WNK3: variants seen among roughly 807,000 people sequenced by gnomAD.
WNK3 encodes the protein WNK lysine deficient protein kinase 3.
A neutral mutation model predicts 116.7 loss-of-function variants in WNK3; 18 were observed. That is an observed-to-expected ratio of 0.15 (90% CI 0.11 to 0.23). WNK3 has a LOEUF of 0.23. Ranked by LOEUF, WNK3 falls within the 10% of genes least tolerant of loss-of-function variation. WNK3 has a pLI of 1.00. For missense variants in WNK3, 993 were observed against 1,323.8 expected, an observed-to-expected ratio of 0.75 and a Z score of 3.88; for synonymous variants, 404 against 469.4, an observed-to-expected ratio of 0.86 and a Z score of 1.80.
At chrX:54,308,936 ATGAG>A (rs1399722673) in intron 4 of WNK3, among the ~76,000 whole-genome samples, 155 bp downstream of exon 4, 2 of 112,051 alleles carry the variant, frequency 1.8e-5, no homozygotes, top group Non-Finnish European at 3.8e-5. Flanking sequence ...CAATCTGTAA[ATGAG>A]TGAGTGTGAC....
intron 10 of WNK3, among the ~76,000 whole-genome samples, chrX:54,278,572 A>T (rs1474248147): frequency 9.0e-6 from 1 of 111,201 alleles, no homozygotes; most frequent in Non-Finnish European, 1.9e-5. Context: ...AGAACCCAGA[A>T]GAAAAGACCC....
intron 10 of WNK3, among the ~76,000 whole-genome samples, chrX:54,276,321 C>A (rs782397957): frequency 2.7e-5 from 3 of 109,550 alleles, no homozygotes; most frequent in South Asian, 3.9e-4. Context: ...GGTGACAGAG[C>A]GAGACTCTGT....
chrX:54,233,801 C>T (rs1312927516), intron 20 of WNK3, among the ~76,000 whole-genome samples: 3 of 99,737 alleles, frequency 3.0e-5, no homozygotes, highest in Admixed American at 1.1e-4. Context: ...ATAGTGAGAC[C>T]CTGTCTCTCT....
intron 22 of WNK3, among the ~76,000 whole-genome samples, chrX:54,221,749 C>A (rs59204215): frequency 9.0e-6 from 1 of 110,835 alleles, no homozygotes. Flanking sequence ...GCAGGAGAAT[C>A]GCTTGAACCC....
intron 10 of WNK3, among the ~76,000 whole-genome samples, 170 bp downstream of exon 10, chrX:54,292,718 A>G (rs782697234): frequency 1.8e-5 from 2 of 109,586 alleles, no homozygotes; most frequent in South Asian, 7.8e-4. Flanking sequence ...AAAAAAAAAA[A>G]AAAAAAAAAA....
At chrX:54,222,018 G>A (rs1475594235) in intron 22 of WNK3, among the ~76,000 whole-genome samples, 1 of 110,839 alleles carries the variant, frequency 9.0e-6, no homozygotes, top group African/African-American at 3.3e-5. Context: ...TTAGCTGCAC[G>A]TGATGGCAGG....
At chrX:54,251,773 A>C in intron 13 of WNK3, 86 bp from the exon 14 acceptor site, 11 of 977,369 alleles carry the variant, frequency 1.1e-5, no homozygotes, top group Non-Finnish European at 1.5e-5. Context: ...TCACATAAAG[A>C]AAGAAAATTG....
exon 17 of WNK3, chrX:54,249,612 C>T (rs1557153684): frequency 4.1e-6 from 5 of 1,208,718 alleles, no homozygotes; most frequent in Non-Finnish European, 5.6e-6. Context: ...GTGATATTTC[C>T]TTATTACTTG....
intron 10 of WNK3, among the ~76,000 whole-genome samples, chrX:54,260,039 A>G (rs1323026499): frequency 3.6e-5 from 4 of 111,273 alleles, no homozygotes; most frequent in African/African-American, 1.3e-4. Context: ...ATGGCAAATA[A>G]TGTTCTCAAT....
At chrX:54,310,411 T>G (rs992479910) in intron 3 of WNK3, among the ~76,000 whole-genome samples, 1 of 109,298 alleles carries the variant, frequency 9.1e-6, no homozygotes, top group Admixed American at 1.0e-4. Context: ...GCCAGGCATG[T>G]TGCTGCATGC....
rs200098628 is a variant in WNK3 at position 54,333,397 on chromosome X, G to C, written c.277C>G (p.Leu93Val). 1.2e-5 allele frequency: 15 copies of C among 1,210,017 alleles called. No individual in the cohort carries two copies. The East Asian group carries it at 4.4e-4, about 36-fold the overall frequency. The change falls in exon 2 of 24, where the codon CTT (leucine) becomes GTT (valine). Residue 93 changes from leucine to valine, a missense_variant. Leu to Val is a conservative substitution (Grantham distance 32, BLOSUM62 1). Around this residue, in one of 4 missense-constraint regions of WNK3, gnomAD observed 92 missense variants for 98.7 expected, o/e 0.93. Transcript: ENST00000354646. Reference sequence around the variant, plus strand: ...CCACCTCTCAACACATTTGAAGGAAGCTTATCTACTCTTGGAATATTCATT... The same window carrying C: ...CCACCTCTCAACACATTTGAAGGAACCTTATCTACTCTTGGAATATTCATT...
intron 2 of WNK3, among the ~76,000 whole-genome samples, chrX:54,330,841 A>T (rs1426246678): frequency 9.5e-6 from 1 of 105,535 alleles, no homozygotes; most frequent in African/African-American, 3.4e-5. Context: ...AAAGTATAAT[A>T]AAAAAAAAAT....
intron 2 of WNK3, among the ~76,000 whole-genome samples, chrX:54,332,826 C>G: frequency 9.6e-6 from 1 of 103,838 alleles, no homozygotes; most frequent in Non-Finnish European, 2.0e-5. Flanking sequence ...GACTGCACCA[C>G]TGCACTCCAG....
Position 54,314,208 on chromosome X carries a change from A to C in WNK3, c.538-2917T>G, listed in dbSNP as rs782180148. Among the ~76,000 whole-genome samples, 390 of 108,316 alleles carry C rather than the reference A, an allele frequency of 3.6e-3. 2 individuals are homozygous for C. Among genetic ancestry groups the C allele is most frequent in the African/African-American group, 7.5e-3 (223 of 29,863 alleles). The allele number at this position is 108,316 out of a possible 115,157, so 94.1% of individuals were successfully genotyped here. On this transcript the variant is annotated intron_variant, in intron 2 of 23. Coordinates refer to ENST00000354646, the Ensembl canonical transcript of WNK3. ...ACTCTGTCTCAAAAAAAAAAACAAA[A>C]AAAAAAAAAACAAAACACATTGCCA...
At chrX:54,318,509 C>T (rs916458090) in intron 2 of WNK3, among the ~76,000 whole-genome samples, 5 of 110,554 alleles carry the variant, frequency 4.5e-5, no homozygotes, top group African/African-American at 1.6e-4. Flanking sequence ...GGAAGGAGTT[C>T]AAGACCAGCT....
chrX:54,254,771 T>C (rs782406950), intron 12 of WNK3, among the ~76,000 whole-genome samples: 40 of 111,905 alleles, frequency 3.6e-4, no homozygotes, highest in Non-Finnish European at 7.0e-4. Context: ...TAAAATGTCA[T>C]GTTATTGAAA....
chrX:54,224,755 T>C (rs367769927), intron 22 of WNK3, among the ~76,000 whole-genome samples: 1 of 109,693 alleles, frequency 9.1e-6, no homozygotes, highest in Non-Finnish European at 1.9e-5. Context: ...ATTTTTAGTA[T>C]AGATGGGGTT....
At chrX:54,204,100 T>G (rs2067527759) in intron 22 of WNK3, among the ~76,000 whole-genome samples, 1 of 111,715 alleles carries the variant, frequency 9.0e-6, no homozygotes, top group South Asian at 3.8e-4. Context: ...TACTGAAAAT[T>G]TAGATTCAAA....
chrX:54,265,325 G>T (rs1358976154), intron 10 of WNK3, among the ~76,000 whole-genome samples: 1 of 110,727 alleles, frequency 9.0e-6, no homozygotes, highest in Admixed American at 9.7e-5. Flanking sequence ...CGTCTCTAGT[G>T]AAAGTACAAA....
Sources: allele counts gnomAD v4.1 joint callset (sites outside exome capture counted in the v4.1 genomes callset), GRCh38; gene constraint gnomAD v4.1.1; regional missense constraint gnomAD v4.1.1; transcripts MANE v1.5; gene names NCBI Gene and HGNC (gene_info 2026-07-23, HGNC 2026-07-21).